Variants in CSTF3 observed in about 807,000 individuals in gnomAD.
CSTF3 encodes CF-1 77 kDa subunit.
In CSTF3, 29 loss-of-function variants were observed where a neutral mutation model predicts 105.8. The ratio of observed to expected loss-of-function variants is 0.27; its 90% CI spans 0.20 to 0.37. CSTF3 has a LOEUF of 0.37. CSTF3 is among the 10% of genes least tolerant of loss of function. The probability of loss-of-function intolerance (pLI) is 1.00; values close to 1 mark genes in which losing one functional copy is unlikely to be tolerated. For missense variants in CSTF3, 357 were observed against 879.3 expected (o/e 0.41, Z 7.51); for synonymous variants, 252 against 281.9 (o/e 0.89, Z 1.06).
intron 17 of CSTF3, 57 bp from the exon 18 acceptor site, chr11:33,087,198 T>C (rs1350672230): frequency 5.7e-6 from 9 of 1,567,532 alleles, no homozygotes; most frequent in Non-Finnish European, 7.9e-6. Context: ...TAGAGAATAA[T>C]CATGCAATAA....
At chr11:33,096,006 G>T (rs1403981578) in intron 15 of CSTF3, among the ~76,000 whole-genome samples, 1 of 151,948 alleles carries the variant, frequency 6.6e-6, no homozygotes, top group Non-Finnish European at 1.5e-5. Context: ...GAGATGATCT[G>T]CCCAGAGTCA....
intron 3 of CSTF3, among the ~76,000 whole-genome samples, chr11:33,119,379 A>G (rs1001879595): frequency 3.3e-5 from 5 of 151,992 alleles, no homozygotes; most frequent in Admixed American, 6.5e-5. Flanking sequence ...ATTTAATTCT[A>G]AGTACACATT....
chr11:33,118,575 T>C (rs919956279), intron 3 of CSTF3, among the ~76,000 whole-genome samples: 13 of 151,800 alleles, frequency 8.6e-5, no homozygotes, highest in Non-Finnish European at 1.0e-4. Context: ...GCTCAATTGG[T>C]TTTGCTACTC....
At chr11:33,139,456 G>C (rs1283427503) in intron 3 of CSTF3, among the ~76,000 whole-genome samples, 1 of 151,792 alleles carries the variant, frequency 6.6e-6, no homozygotes, top group Non-Finnish European at 1.5e-5. Flanking sequence ...TTTTTAAAAA[G>C]TATTATAAAT....
At chr11:33,143,325 T>A (rs1855736922) in intron 1 of CSTF3, among the ~76,000 whole-genome samples, 1 of 152,214 alleles carries the variant, frequency 6.6e-6, no homozygotes, top group African/African-American at 2.4e-5. Flanking sequence ...TATAGAAATT[T>A]AATTTTTGAA....
intron 9 of CSTF3, 81 bp from the exon 10 acceptor site, chr11:33,102,420 G>T: frequency 7.7e-7 from 1 of 1,293,598 alleles, no homozygotes; most frequent in Non-Finnish European, 1.1e-6. Flanking sequence ...CAGTTTGGAA[G>T]ACTGTTCAAG....
At chr11:33,112,419 G>C (rs764148581) in intron 3 of CSTF3, among the ~76,000 whole-genome samples, 1 of 152,016 alleles carries the variant, frequency 6.6e-6, no homozygotes, top group Non-Finnish European at 1.5e-5. Context: ...GGGTTATCAA[G>C]AATTAAAAAG....
At chr11:33,160,118 A>G (rs1415607731) in intron 1 of CSTF3, among the ~76,000 whole-genome samples, 1 of 151,760 alleles carries the variant, frequency 6.6e-6, no homozygotes, top group Non-Finnish European at 1.5e-5. Flanking sequence ...AGATCAGAAA[A>G]GGGGTAAACA....
intron 3 of CSTF3, among the ~76,000 whole-genome samples, chr11:33,111,829 C>T (rs886194214): frequency 1.3e-5 from 2 of 152,182 alleles, no homozygotes; most frequent in African/African-American, 4.8e-5. Context: ...TACGTGGCCA[C>T]TGATTGTCAT....
chr11:33,158,162 G>A (rs1180418839), intron 1 of CSTF3, among the ~76,000 whole-genome samples: 1 of 152,048 alleles, frequency 6.6e-6, no homozygotes, highest in Admixed American at 6.6e-5. Context: ...ATATTATACT[G>A]TTTTTCTTAC....
intron 1 of CSTF3, among the ~76,000 whole-genome samples, chr11:33,149,891 C>T (rs535550624): frequency 7.6e-4 from 116 of 152,194 alleles, no homozygotes; most frequent in Non-Finnish European, 1.1e-3. Context: ...TGGTGGTACA[C>T]GCCTGTAATC....
chr11:33,154,149 G>A (rs1229916108), intron 1 of CSTF3, among the ~76,000 whole-genome samples: 1 of 152,130 alleles, frequency 6.6e-6, no homozygotes, highest in Non-Finnish European at 1.5e-5. Context: ...AACCACTGTG[G>A]TACCTGTTTC....
At chr11:33,129,637 T>A (rs1855579049) in intron 3 of CSTF3, among the ~76,000 whole-genome samples, 1 of 152,224 alleles carries the variant, frequency 6.6e-6, no homozygotes, top group African/African-American at 2.4e-5. Flanking sequence ...TGGGAACTTT[T>A]AAGGACTAGT....
intron 1 of CSTF3, among the ~76,000 whole-genome samples, chr11:33,145,434 AT>A: frequency 6.6e-6 from 1 of 152,136 alleles, no homozygotes; most frequent in East Asian, 1.9e-4. Flanking sequence ...TCAAAAAAAC[AT>A]TTTTTAATAA....
chr11:33,102,973 C>A, intron 9 of CSTF3, 134 bp downstream of exon 9: 1 of 589,238 alleles, frequency 1.7e-6, no homozygotes, highest in Non-Finnish European at 3.0e-6. Flanking sequence ...ATGTCATCTC[C>A]TCAGACTTTG....
chr11:33,141,348 AAAG>A (rs1266919346), intron 3 of CSTF3: 2 of 738,018 alleles, frequency 2.7e-6, no homozygotes, highest in African/African-American at 3.6e-5. Context: ...GTAGGAATAA[AAAG>A]AAAAATGAGT....
intron 1 of CSTF3, among the ~76,000 whole-genome samples, chr11:33,148,859 TG>T (rs1355159715): frequency 4.7e-5 from 5 of 107,110 alleles, no homozygotes; most frequent in African/African-American, 1.4e-4. Flanking sequence ...ACTGTTGCTG[TG>T]TTTTTTTTTT....
intron 14 of CSTF3, 40 bp downstream of exon 14, chr11:33,096,795 G>A (rs1310257008): frequency 6.4e-7 from 1 of 1,553,386 alleles, no homozygotes; most frequent in Non-Finnish European, 8.7e-7. Flanking sequence ...CTCAGATGAA[G>A]GAAGTTGTTT....
At chr11:33,154,181 C>T (rs1015684810) in intron 1 of CSTF3, among the ~76,000 whole-genome samples, 1 of 152,222 alleles carries the variant, frequency 6.6e-6, no homozygotes, top group Non-Finnish European at 1.5e-5. Flanking sequence ...CTCAGCCCCA[C>T]TGAACAGTTA....
Sources: gnomAD v4.1 joint callset for allele counts (sites outside exome capture counted in the v4.1 genomes callset) on GRCh38, gnomAD v4.1.1 for gene constraint, MANE v1.5 for transcripts, NCBI Gene and HGNC (gene_info 2026-07-23, HGNC 2026-07-21) for gene names.